TRIM44: variants seen among roughly 807,000 people sequenced by gnomAD.
TRIM44 encodes tripartite motif containing 44.
TRIM44 carries 13 observed loss-of-function variants against 37.4 expected under a neutral mutation model. The ratio of observed to expected loss-of-function variants is 0.35; its 90% CI spans 0.23 to 0.55. The LOEUF (loss-of-function observed/expected upper bound fraction) is 0.55. Among genes scored for constraint, TRIM44 ranks in the 20% least tolerant of loss-of-function variants. The pLI is 0.89. For missense variants in TRIM44, 426 were observed against 437.2 expected, an observed-to-expected ratio of 0.97 and a Z score of 0.23; for synonymous variants, 175 against 157.2, an observed-to-expected ratio of 1.11 and a Z score of -0.85.
chr11:35,763,000 T>G (rs577890763), intron 4 of TRIM44, among the ~76,000 whole-genome samples: 2 of 152,280 alleles, frequency 1.3e-5, no homozygotes, highest in Non-Finnish European at 2.9e-5. Context: ...TTTAAGTATG[T>G]GGAATACACA....
In TRIM44 at chr11:35,808,482, A is replaced by T. The variant is rs1853484588; in HGVS notation, c.*2097A>T. On this transcript the variant is annotated 3_prime_UTR_variant, in exon 5 of 5. Transcript: ENST00000299413. ...TGTTTGATCTCCAAATAGTAGCCTTATATTAGCAATAGACAGATCATTGGT... is the reference window on the plus strand; with the variant it reads ...TGTTTGATCTCCAAATAGTAGCCTTTTATTAGCAATAGACAGATCATTGGT... The T allele has an allele frequency of 6.6e-6, 1 of 152,216 alleles. No homozygotes were observed. The highest frequency in any genetic ancestry group is 2.4e-5 in the African/African-American group (1 of 41,466). The allele number at this position is 152,216 out of a possible 1,614,324, so 9.4% of individuals were successfully genotyped here.
Position 35,807,670 on chromosome 11 carries a change from AT to A in TRIM44, c.*1290del, listed in dbSNP as rs1262790582. On this transcript the variant is annotated 3_prime_UTR_variant, in exon 5 of 5. Coordinates refer to ENST00000299413, the MANE Select transcript of TRIM44 (RefSeq NM_017583.6). ...ATGGTTTAGAGTCATAAGATGACCTATTTTTATATAAAAGTTATATTATAGA... is the reference window on the plus strand; with the variant it reads ...ATGGTTTAGAGTCATAAGATGACCTATTTTATATAAAAGTTATATTATAGA... 1 of 152,240 alleles carries A rather than the reference AT, an allele frequency of 6.6e-6. No homozygotes were observed. The highest frequency in any genetic ancestry group is 2.1e-4 in the South Asian group (1 of 4,828). 9.4% of individuals were successfully genotyped at this position (152,240 alleles called of 1,614,324 possible).
At chr11:35,751,755 A>G (rs761229225) in intron 4 of TRIM44, among the ~76,000 whole-genome samples, 19 of 152,250 alleles carry the variant, frequency 1.2e-4, no homozygotes, top group Non-Finnish European at 2.5e-4. Flanking sequence ...TAAATGAGTC[A>G]TGAGTCATTT....
chr11:35,719,952 G>A (rs549649411), intron 2 of TRIM44, among the ~76,000 whole-genome samples: 21 of 152,246 alleles, frequency 1.4e-4, no homozygotes, highest in African/African-American at 4.8e-4. Flanking sequence ...CAGCTTTATA[G>A]TAAGACTTGA....
chr11:35,796,701 G>C (rs543212541), intron 4 of TRIM44, among the ~76,000 whole-genome samples: 3 of 152,110 alleles, frequency 2.0e-5, no homozygotes, highest in South Asian at 2.1e-4. Flanking sequence ...CAGCAGCACT[G>C]GGGGGAGGAA....
intron 2 of TRIM44, among the ~76,000 whole-genome samples, chr11:35,686,375 T>TA: frequency 7.5e-6 from 1 of 133,922 alleles, no homozygotes; most frequent in African/African-American, 3.0e-5. Flanking sequence ...TTTGTTTTTG[T>TA]TTTTTTTTTT....
At chr11:35,711,856 G>A (rs1851978799) in intron 2 of TRIM44, among the ~76,000 whole-genome samples, 1 of 152,114 alleles carries the variant, frequency 6.6e-6, no homozygotes, top group Non-Finnish European at 1.5e-5. Flanking sequence ...GGGTACGTGA[G>A]GGCACCTTCC....
At chr11:35,801,777 C>T (rs1853373898) in intron 4 of TRIM44, among the ~76,000 whole-genome samples, 1 of 152,128 alleles carries the variant, frequency 6.6e-6, no homozygotes, top group Non-Finnish European at 1.5e-5. Flanking sequence ...TCTGTCACCC[C>T]ATCCCCTACC....
At chr11:35,687,554 G>A (rs751376543) in intron 2 of TRIM44, among the ~76,000 whole-genome samples, 13 of 152,118 alleles carry the variant, frequency 8.5e-5, no homozygotes, top group African/African-American at 1.7e-4. Context: ...TTCTGATTCC[G>A]CCAAACTTAT....
chr11:35,663,013 C>T lies in TRIM44; in HGVS notation c.-99C>T. 7.0e-7 allele frequency: 1 copy of T among 1,430,742 alleles called. No homozygotes were observed. The highest frequency in any genetic ancestry group is 1.5e-5 in the South Asian group (1 of 65,746). The allele number at this position is 1,430,742 out of a possible 1,614,324, so 88.6% of individuals were successfully genotyped here. ...CGCGGTCCAGGCGGGAGGCGACTCCCTAGGAAGGGACCCGGGGCGGGAGGA... is the reference window on the plus strand; with the variant it reads ...CGCGGTCCAGGCGGGAGGCGACTCCTTAGGAAGGGACCCGGGGCGGGAGGA... On this transcript the variant is annotated 5_prime_UTR_variant, in exon 1 of 5. Transcript: ENST00000299413.
At chr11:35,690,613 C>A (rs1237909692) in intron 2 of TRIM44, among the ~76,000 whole-genome samples, 1 of 152,142 alleles carries the variant, frequency 6.6e-6, no homozygotes, top group Non-Finnish European at 1.5e-5. Flanking sequence ...AGAAGTGTTC[C>A]TGTGGTTGAT....
chr11:35,716,405 CA>C (rs1852040006), intron 2 of TRIM44, among the ~76,000 whole-genome samples: 1 of 151,976 alleles, frequency 6.6e-6, no homozygotes, highest in African/African-American at 2.4e-5. Context: ...ATGGGGTGAG[CA>C]GGGGGTGCTA....
In TRIM44 at chr11:35,678,497, G is replaced by A. The variant is rs571195304; in HGVS notation, c.670-6762G>A. On this transcript the variant is annotated intron_variant, in intron 1 of 4. Transcript: ENST00000299413. Reference sequence around the variant, plus strand: ...TATAAAGGAGGTGGTAAAAATTTTCGTACATGGGATGGTGATACTAAAATT... The same window carrying A: ...TATAAAGGAGGTGGTAAAAATTTTCATACATGGGATGGTGATACTAAAATT... 1.8e-4 allele frequency among the ~76,000 whole-genome samples: 27 copies of A among 152,108 alleles called. 1 individual carries two copies. In the South Asian group the frequency reaches 4.2e-3, roughly 23 times the overall value.
chr11:35,742,907 G>C (rs1468287204), intron 4 of TRIM44, among the ~76,000 whole-genome samples: 2 of 150,386 alleles, frequency 1.3e-5, no homozygotes, highest in Non-Finnish European at 2.9e-5. Context: ...ATACACTCAT[G>C]AGGTCACACA....
intron 2 of TRIM44, among the ~76,000 whole-genome samples, chr11:35,705,596 G>A (rs893767371): frequency 1.3e-5 from 2 of 151,394 alleles, no homozygotes; most frequent in South Asian, 2.1e-4. Context: ...CTAGAACTCA[G>A]GATTAAGAAA....
chr11:35,755,548 C>T (rs1300796593), intron 4 of TRIM44, among the ~76,000 whole-genome samples: 1 of 152,062 alleles, frequency 6.6e-6, no homozygotes, highest in Non-Finnish European at 1.5e-5. Flanking sequence ...GTTGCCATTG[C>T]TTTTGGTGTT....
At chr11:35,704,485 G>A (rs563021740) in intron 2 of TRIM44, among the ~76,000 whole-genome samples, 1 of 152,270 alleles carries the variant, frequency 6.6e-6, no homozygotes, top group South Asian at 2.1e-4. Context: ...TGAAATGAAG[G>A]ACAAAATGTT....
At chr11:35,672,536 G>T (rs1851407318) in intron 1 of TRIM44, among the ~76,000 whole-genome samples, 1 of 152,196 alleles carries the variant, frequency 6.6e-6, no homozygotes, top group African/African-American at 2.4e-5. Context: ...GATCAAAAGG[G>T]TTTTAAGCCA....
Position 35,814,897 on chromosome 11 carries a change from A to G in TRIM44, c.*8512A>G, listed in dbSNP as rs186495786. The G allele has an allele frequency of 1.3e-5, 2 of 152,264 alleles. No homozygotes were observed. The highest frequency in any genetic ancestry group is 4.8e-5 in the African/African-American group (2 of 41,552). The allele number at this position is 152,264 out of a possible 1,614,324, so 9.4% of individuals were successfully genotyped here. ...GAAAACGAGGAGGGAGGGAGAGGGA[A>G]ATTGTCCACCACTTCCCAATGATAA... On this transcript the variant is annotated 3_prime_UTR_variant, in exon 5 of 5. Coordinates refer to ENST00000299413, the MANE Select transcript of TRIM44 (RefSeq NM_017583.6).
Sources: allele counts gnomAD v4.1 joint callset (sites outside exome capture counted in the v4.1 genomes callset), GRCh38; gene constraint gnomAD v4.1.1; transcripts MANE v1.5; gene names NCBI Gene and HGNC (gene_info 2026-07-23, HGNC 2026-07-21).